The following COBLL1 variants were observed in gnomAD, a reference collection of about 807,000 sequenced individuals.
The protein encoded by COBLL1 is cordon-bleu WH2 repeat protein like 1.
A neutral mutation model predicts 94.8 loss-of-function variants in COBLL1; 50 were observed. That is an observed-to-expected ratio of 0.53 (90% CI 0.42 to 0.67). COBLL1 has a LOEUF of 0.67. Ranked by LOEUF, COBLL1 falls within the 30% of genes least tolerant of loss-of-function variation. The pLI, the probability that COBLL1 is intolerant of heterozygous loss-of-function variation, is 0.00. For missense variants in COBLL1, 1,362 were observed against 1,348.7 expected (o/e 1.01, Z -0.15); for synonymous variants, 448 against 473.8 (o/e 0.95, Z 0.71).
At chr2:164,839,127 T>C (rs2105399070) in intron 2 of COBLL1, among the ~76,000 whole-genome samples, 1 of 152,318 alleles carries the variant, frequency 6.6e-6, no homozygotes, top group East Asian at 1.9e-4. Context: ...AGTAGAATAA[T>C]GTAAGGCAAA....
intron 1 of COBLL1, among the ~76,000 whole-genome samples, chr2:164,670,858 G>A (rs1558903786): frequency 6.6e-6 from 1 of 152,208 alleles, no homozygotes; most frequent in Non-Finnish European, 1.5e-5. Flanking sequence ...CATGAGGAAT[G>A]GAGAAGAAAG....
rs890872884 is a variant in COBLL1 at position 164,683,682 on chromosome 2, A to C, written c.*2264T>G. Reference sequence around the variant, plus strand: ...TTTTTTTCCTACATATACAGCCATAATTTATAGTATCATTTTTTATATTTA... The same window carrying C: ...TTTTTTTCCTACATATACAGCCATACTTTATAGTATCATTTTTTATATTTA... On this transcript the variant is annotated 3_prime_UTR_variant, in exon 14 of 14. Coordinates refer to ENST00000652658, the MANE Select transcript of COBLL1 (RefSeq NM_001365672.2). 5.9e-5 allele frequency: 9 copies of C among 152,204 alleles called. No homozygotes were observed. The highest frequency in any genetic ancestry group is 1.2e-4 in the Non-Finnish European group (8 of 67,992). The allele number at this position is 152,204 out of a possible 1,614,324, so 9.4% of individuals were successfully genotyped here. A position where few individuals can be genotyped will look rare whatever the true frequency, so the allele number is the denominator to read the frequency against.
rs1004881573 is a variant in COBLL1 at position 164,841,403 on chromosome 2, G to C, written c.-50-157C>G. The C allele has an allele frequency of 8.6e-7, 1 of 1,168,150 alleles. No homozygotes were observed. Among genetic ancestry groups the C allele is most frequent in the Non-Finnish European group, 1.1e-6 (1 of 947,640 alleles). The allele number at this position is 1,168,150 out of a possible 1,614,324, so 72.4% of individuals were successfully genotyped here. A position where few individuals can be genotyped will look rare whatever the true frequency, so the allele number is the denominator to read the frequency against. On this transcript the variant is annotated intron_variant, in intron 1 of 13. Transcript: ENST00000652658. The surrounding 1 kb of genome is among the most constrained non-coding windows in gnomAD (Gnocchi z 5.5). Reference sequence around the variant, plus strand: ...ACCTGCGGGCCCCGGCTCCCAGCCCGCGGGCGCCGCCGCCGTCTCTACAAG... The same window carrying C: ...ACCTGCGGGCCCCGGCTCCCAGCCCCCGGGCGCCGCCGCCGTCTCTACAAG...
intron 2 of COBLL1, among the ~76,000 whole-genome samples, chr2:164,765,617 G>A (rs1238602953): frequency 6.6e-6 from 1 of 152,118 alleles, no homozygotes; most frequent in Non-Finnish European, 1.5e-5. Flanking sequence ...CAAAGCGTTT[G>A]TGACATTTAA....
intron 7 of COBLL1, among the ~76,000 whole-genome samples, chr2:164,705,652 C>G (rs1684549954): frequency 6.6e-6 from 1 of 152,158 alleles, no homozygotes; most frequent in Non-Finnish European, 1.5e-5. Context: ...GTCAGTGCCT[C>G]CTGACCAAAT....
At chr2:164,738,521 G>A (rs897527467) in intron 3 of COBLL1, among the ~76,000 whole-genome samples, 2 of 152,142 alleles carry the variant, frequency 1.3e-5, no homozygotes, top group African/African-American at 2.4e-5. Context: ...ATGCTGTTGT[G>A]AAGTATAGCA....
chr2:164,698,170 G>C (rs1684052573), intron 11 of COBLL1: 1 of 151,938 alleles, frequency 6.6e-6, no homozygotes, highest in African/African-American at 2.4e-5. Context: ...TTGTTTTAAA[G>C]AGAAAGAAGC....
chr2:164,717,769 G>T (rs762740189), intron 7 of COBLL1, among the ~76,000 whole-genome samples: 102 of 151,954 alleles, frequency 6.7e-4, no homozygotes, highest in Non-Finnish European at 7.6e-4. Context: ...TTACTTTGTG[G>T]CCCAGGTTGG....
At chr2:164,665,929 A>G (rs1027354446) in intron 1 of COBLL1, 9 of 152,212 alleles carry the variant, frequency 5.9e-5, no homozygotes, top group African/African-American at 2.2e-4. Context: ...TGACAGTGCT[A>G]GTGTTCTACT....
chr2:164,681,593 G>T lies in COBLL1; in HGVS notation c.*4353C>A, dbSNP rs1162924857. On this transcript the variant is annotated 3_prime_UTR_variant, in exon 14 of 14. Transcript: ENST00000652658. The stretch of plus-strand genomic sequence containing the variant: ...GGCCATCACTGCTATCACAGCAAAA[G>T]GTATGGATGCAAGAGAGAAAGAATT... The T allele has an allele frequency of 2.0e-5, 3 of 152,158 alleles. No homozygotes were observed. The highest frequency in any genetic ancestry group is 7.2e-5 in the African/African-American group (3 of 41,430). The allele number at this position is 152,158 out of a possible 1,614,324, so 9.4% of individuals were successfully genotyped here.
At chr2:164,817,522 C>T (rs1369731977) in intron 2 of COBLL1, among the ~76,000 whole-genome samples, 4 of 152,070 alleles carry the variant, frequency 2.6e-5, no homozygotes, top group South Asian at 2.1e-4. Context: ...CAAGCCTGTA[C>T]GTTCTCCTCA....
rs1683029629 is a variant in COBLL1 at position 164,681,264 on chromosome 2, T to C, written c.*4682A>G. 6.6e-6 allele frequency: 1 copy of C among 152,140 alleles called. No individual in the cohort carries two copies. The highest frequency in any genetic ancestry group is 6.6e-5 in the Admixed American group (1 of 15,258). 9.4% of individuals were successfully genotyped at this position (152,140 alleles called of 1,614,324 possible). A position where few individuals can be genotyped will look rare whatever the true frequency, so the allele number is the denominator to read the frequency against. ...CAGAGTAAACTGGGGGCCTGGCTCT[T>C]AGGTGATCTAGGCTGGCCTCAGTTG... On this transcript the variant is annotated 3_prime_UTR_variant, in exon 14 of 14. Transcript: ENST00000652658.
intron 2 of COBLL1, among the ~76,000 whole-genome samples, chr2:164,744,335 C>A (rs377288875): frequency 6.6e-6 from 1 of 152,258 alleles, no homozygotes; most frequent in East Asian, 1.9e-4. Context: ...TCGATTCAGA[C>A]AAACCCTACC....
downstream of COBLL1, among the ~76,000 whole-genome samples, chr2:164,676,084 C>T (rs910919879): frequency 5.3e-5 from 8 of 152,080 alleles, no homozygotes; most frequent in Non-Finnish European, 1.2e-4. Flanking sequence ...ATAAGTTTTG[C>T]TATTTTTATT....
chr2:164,818,499 A>G (rs1215332675), intron 2 of COBLL1, among the ~76,000 whole-genome samples: 1 of 149,114 alleles, frequency 6.7e-6, no homozygotes, highest in Non-Finnish European at 1.5e-5. Flanking sequence ...ATACATATTT[A>G]CAATGTATAT....
intron 2 of COBLL1, among the ~76,000 whole-genome samples, chr2:164,828,004 G>A (rs899534299): frequency 1.3e-5 from 2 of 152,132 alleles, no homozygotes; most frequent in African/African-American, 2.4e-5. Context: ...ACCAAGAATG[G>A]AATTTTATAA....
chr2:164,664,212 C>T (rs1272364213), intron 2 of COBLL1, among the ~76,000 whole-genome samples: 1 of 152,206 alleles, frequency 6.6e-6, no homozygotes, highest in Admixed American at 6.5e-5. Flanking sequence ...ACTGCTCAAG[C>T]AGTCACCTAT....
rs1683589399 is a variant in COBLL1 at position 164,841,205 on chromosome 2, G to A, written c.-9C>T. ...GGGGTTCGGCCGTCCATCGCCCTGC[G>A]GGGCGCTGCGCGGGCTCCAGCTCCC... On this transcript the variant is annotated 5_prime_UTR_variant, in exon 2 of 14. Transcript: ENST00000652658. This position sits in a 1 kb window ranked among gnomAD's most constrained non-coding sequence, Gnocchi z 5.5. 3.2e-6 allele frequency: 4 copies of A among 1,232,050 alleles called. No homozygotes were observed. Among genetic ancestry groups the A allele is most frequent in the Non-Finnish European group, 4.0e-6 (4 of 988,950 alleles). 76.3% of individuals were successfully genotyped at this position (1,232,050 alleles called of 1,614,324 possible). A position where few individuals can be genotyped will look rare whatever the true frequency, so the allele number is the denominator to read the frequency against.
intron 13 of COBLL1, chr2:164,687,421 G>A (rs1683357845): frequency 1.0e-6 from 1 of 995,364 alleles, no homozygotes; most frequent in Non-Finnish European, 1.6e-6. Flanking sequence ...CCATTTCTTT[G>A]AGAAGTGGAT....
Sources: allele counts gnomAD v4.1 joint callset (sites outside exome capture counted in the v4.1 genomes callset), GRCh38; gene constraint gnomAD v4.1.1; non-coding constraint Gnocchi (gnomAD v3.1); transcripts MANE v1.5; gene names NCBI Gene and HGNC (gene_info 2026-07-23, HGNC 2026-07-21).